The following MINDY4 variants were observed in gnomAD, a reference collection of about 807,000 sequenced individuals.
The protein encoded by MINDY4 is probable ubiquitin carboxyl-terminal hydrolase MINDY-4.
A neutral mutation model predicts 87.0 loss-of-function variants in MINDY4; 68 were observed. The ratio of observed to expected loss-of-function variants is 0.78; its 90% CI spans 0.64 to 0.96. MINDY4 has a LOEUF of 0.96. Among genes scored for constraint, MINDY4 ranks in the 40% least tolerant of loss-of-function variants. The probability of loss-of-function intolerance (pLI) is 0.00; values close to 1 mark genes in which losing one functional copy is unlikely to be tolerated. For synonymous variants in MINDY4, 379 were observed against 363.2 expected, an observed-to-expected ratio of 1.04 and a Z score of -0.50; for missense variants, 919 against 928.2, an observed-to-expected ratio of 0.99 and a Z score of 0.13.
intron 13 of MINDY4, among the ~76,000 whole-genome samples, chr7:30,867,407 G>T (rs1789973482): frequency 6.6e-6 from 1 of 152,156 alleles, no homozygotes. Context: ...GTAGGAAAAA[G>T]GAAGTGACAT....
chr7:30,856,854 TC>T (rs1789586482), intron 12 of MINDY4, among the ~76,000 whole-genome samples: 1 of 151,764 alleles, frequency 6.6e-6, no homozygotes, highest in Non-Finnish European at 1.5e-5. Context: ...TGAGCCTGTG[TC>T]CCCCTGTGCA....
At chr7:30,853,485 G>T in intron 12 of MINDY4, 26 bp downstream of exon 12, 1 of 1,576,126 alleles carries the variant, frequency 6.3e-7, no homozygotes, top group East Asian at 2.3e-5. Context: ...TACTCCTGTG[G>T]GATGTGCGTC....
chr7:30,810,768 A>G (rs143872266), intron 5 of MINDY4, among the ~76,000 whole-genome samples: 2,441 of 152,332 alleles, frequency 0.016, 47 homozygotes, highest in South Asian at 0.093. Context: ...GGTGAAATTT[A>G]GCTTATCTGG....
chr7:30,892,116 G>A lies in MINDY4; in HGVS notation c.*111G>A, dbSNP rs1584365778. 6 of 1,182,510 alleles carry A rather than the reference G, an allele frequency of 5.1e-6. No individual in the cohort carries two copies. In the East Asian group the frequency reaches 1.4e-4, roughly 28 times the overall value. The allele number at this position is 1,182,510 out of a possible 1,614,324, so 73.3% of individuals were successfully genotyped here. ...GTCTCATGTACCCCAACCTGGGTCA[G>A]CATGACTGCAGAAGCATCCAGAGCC... On this transcript the variant is annotated 3_prime_UTR_variant, in exon 18 of 18. Transcript: ENST00000265299.
In MINDY4 at chr7:30,879,900, CAGACTT is replaced by C. The variant is rs149797092; in HGVS notation, c.1972-2280_1972-2275del. 4.6e-3 allele frequency among the ~76,000 whole-genome samples: 703 copies of C among 152,166 alleles called. 4 individuals are homozygous for C. Among genetic ancestry groups the C allele is most frequent in the African/African-American group, 0.016 (659 of 41,434 alleles). On this transcript the variant is annotated intron_variant, in intron 15 of 17. Transcript: ENST00000265299. ...TGCATTGTTACAGTTGATGGTGTGT[CAGACTT>C]TGACACACCTGCTTTTTCTTACTTA...
At chr7:30,891,131 GTGAGATA>G (rs1180026296) in intron 17 of MINDY4, among the ~76,000 whole-genome samples, 1 of 152,158 alleles carries the variant, frequency 6.6e-6, no homozygotes, top group African/African-American at 2.4e-5. Context: ...TAGAACTGCT[GTGAGATA>G]TTCAACATCT....
At chr7:30,848,809 G>T (rs1475921395) in intron 9 of MINDY4, among the ~76,000 whole-genome samples, 1 of 152,172 alleles carries the variant, frequency 6.6e-6, no homozygotes, top group Non-Finnish European at 1.5e-5. Flanking sequence ...GGATTTGAAG[G>T]ATTTCCAGTG....
chr7:30,841,620 G>A (rs1789041627), intron 9 of MINDY4, among the ~76,000 whole-genome samples: 1 of 151,714 alleles, frequency 6.6e-6, no homozygotes, highest in Non-Finnish European at 1.5e-5. Context: ...AGAACTTCTG[G>A]CAATTGGCCT....
rs1324025263 is a variant in MINDY4, at chr7:30,882,231, T to C, written c.2022T>C (p.Ser674=). Residue 674 remains serine, a synonymous_variant, in exon 16 of 18, where the codon AGT becomes AGC. Transcript: ENST00000265299. ...GGTTCCCCATCTGGGTGGTTTGCAG[T>C]GAGAGCCACTTCAGCATCCTCTTTA... ...TPRFPIWVVC[S]ESHFSILFSL... 6.2e-7 allele frequency: 1 copy of C among 1,613,838 alleles called. No individual in the cohort carries two copies. The highest frequency in any genetic ancestry group is 1.7e-5 in the Admixed American group (1 of 60,002).
At chr7:30,831,309 G>A (rs911627350) in intron 6 of MINDY4, among the ~76,000 whole-genome samples, 3 of 152,134 alleles carry the variant, frequency 2.0e-5, no homozygotes, top group African/African-American at 7.2e-5. Flanking sequence ...ACTAGGTTAT[G>A]TTGTAATTTT....
At chr7:30,867,434 G>A (rs538177442) in intron 13 of MINDY4, among the ~76,000 whole-genome samples, 1 of 152,248 alleles carries the variant, frequency 6.6e-6, no homozygotes, top group Admixed American at 6.5e-5. Flanking sequence ...AATGCCAAAT[G>A]CTTTATATAG....
chr7:30,790,729 G>A (rs1477556652), intron 4 of MINDY4, among the ~76,000 whole-genome samples: 1 of 152,182 alleles, frequency 6.6e-6, no homozygotes, highest in African/African-American at 2.4e-5. Context: ...ACAGGCATGA[G>A]CCACCATGCC....
chr7:30,843,756 C>T (rs899962994), intron 9 of MINDY4, among the ~76,000 whole-genome samples: 11 of 146,594 alleles, frequency 7.5e-5, no homozygotes, highest in African/African-American at 2.7e-4. Flanking sequence ...TTCTATCTGT[C>T]GTTGCCGGCC....
intron 9 of MINDY4, among the ~76,000 whole-genome samples, chr7:30,847,849 T>C (rs1789274152): frequency 6.6e-6 from 1 of 152,122 alleles, no homozygotes; most frequent in African/African-American, 2.4e-5. Context: ...AAGCAATCCT[T>C]CTGCCTCAGC....
At chr7:30,816,326 A>G (rs1788149251) in intron 5 of MINDY4, among the ~76,000 whole-genome samples, 1 of 152,116 alleles carries the variant, frequency 6.6e-6, no homozygotes, top group African/African-American at 2.4e-5. Context: ...CGTTCCTGGA[A>G]TGTTCCAGAA....
chr7:30,782,139 C>T lies in MINDY4; in HGVS notation c.346C>T (p.Leu116=), dbSNP rs767743511. 2.5e-6 allele frequency: 4 copies of T among 1,614,124 alleles called. No homozygotes were observed. Among genetic ancestry groups the T allele is most frequent in the Admixed American group, 1.7e-5 (1 of 60,018 alleles). The change falls in exon 3 of 18, where the codon CTG becomes TTG. Residue 116 remains leucine (L), a synonymous_variant. Transcript: ENST00000265299. ...KVPSRCSETT[L]VNIYDLSDED... ...GCCATCAAGATGCTCAGAGACTACA[C>T]TGGTAAATATATATGACCTTTCAGA...
At chr7:30,839,146 C>A in intron 7 of MINDY4, 54 bp from the exon 8 acceptor site, 1 of 1,198,294 alleles carries the variant, frequency 8.3e-7, no homozygotes, top group Non-Finnish European at 1.2e-6. Context: ...CACTGAACAT[C>A]GTATTGTTGC....
chr7:30,852,382 C>A, intron 11 of MINDY4, 103 bp downstream of exon 11: 1 of 1,572,444 alleles, frequency 6.4e-7, no homozygotes, highest in Non-Finnish European at 8.6e-7. Flanking sequence ...GGCTGGCCTT[C>A]CGCAGCCCAG....
In MINDY4 at chr7:30,875,477, C is replaced by T. The variant is rs2128579505; in HGVS notation, c.1810-18C>T. 1 of 1,613,902 alleles carries T rather than the reference C, an allele frequency of 6.2e-7. No individual in the cohort carries two copies. The highest frequency in any genetic ancestry group is 1.1e-5 in the South Asian group (1 of 91,056). ...TGATTCAGACTTGATGAGTCTTTCC[C>T]CTTTCTCTCATCTGCAGGAACTTGT... On this transcript the variant is annotated intron_variant, in intron 14 of 17. Coordinates refer to ENST00000265299, the MANE Select transcript of MINDY4 (RefSeq NM_032222.3).
Sources: gnomAD v4.1 joint callset for allele counts (sites outside exome capture counted in the v4.1 genomes callset) on GRCh38, gnomAD v4.1.1 for gene constraint, MANE v1.5 for transcripts, NCBI Gene and HGNC (gene_info 2026-07-23, HGNC 2026-07-21) for gene names.